GARNL3: variants seen among roughly 807,000 people sequenced by gnomAD.
The protein encoded by GARNL3 is GTPase-activating Rap/Ran-GAP domain-like protein 3.
GARNL3 carries 63 observed loss-of-function variants against 125.0 expected under a neutral mutation model. The ratio of observed to expected loss-of-function variants is 0.50; its 90% confidence interval spans 0.41 to 0.62. The LOEUF (loss-of-function observed/expected upper bound fraction) is 0.62. Ranked by LOEUF, GARNL3 falls within the 20% of genes least tolerant of loss-of-function variation. The pLI is 0.00. For synonymous variants in GARNL3, 439 were observed against 457.5 expected (o/e 0.96, Z 0.52); for missense variants, 994 against 1,244.0 (o/e 0.80, Z 3.02).
intron 13 of GARNL3, among the ~76,000 whole-genome samples, chr9:127,341,786 G>A: frequency 6.6e-6 from 1 of 152,184 alleles, no homozygotes; most frequent in East Asian, 1.9e-4. Context: ...GAAACGAAGG[G>A]CTGGGTTGAT....
intron 15 of GARNL3, among the ~76,000 whole-genome samples, chr9:127,344,652 C>G (rs1481381351): frequency 4.6e-5 from 7 of 152,190 alleles, no homozygotes; most frequent in Non-Finnish European, 1.0e-4. Context: ...TAGGAATTTT[C>G]TGAAGAGTGA....
chr9:127,339,790 A>G (rs770304173), intron 13 of GARNL3, 39 bp downstream of exon 13: 4 of 1,189,548 alleles, frequency 3.4e-6, no homozygotes, highest in African/African-American at 1.5e-5. Flanking sequence ...AACTTGTTCT[A>G]TGTCAGAATA....
At chr9:127,358,567 T>C (rs1421957127) in intron 21 of GARNL3, among the ~76,000 whole-genome samples, 1 of 152,238 alleles carries the variant, frequency 6.6e-6, no homozygotes, top group East Asian at 1.9e-4. Flanking sequence ...TTAGGAAGAC[T>C]TAAGACCTAA....
At chr9:127,295,518 C>T (rs1375933270) in intron 2 of GARNL3, among the ~76,000 whole-genome samples, 1 of 152,168 alleles carries the variant, frequency 6.6e-6, no homozygotes, top group Non-Finnish European at 1.5e-5. Context: ...CACCGACTAC[C>T]TGGAGTTAGC....
chr9:127,307,867 G>A (rs953998133), intron 2 of GARNL3, among the ~76,000 whole-genome samples: 1 of 152,094 alleles, frequency 6.6e-6, no homozygotes, highest in Admixed American at 6.6e-5. Context: ...AGCTTTGTAG[G>A]ATCCAAGGCC....
intron 2 of GARNL3, among the ~76,000 whole-genome samples, chr9:127,295,440 T>C (rs1452827870): frequency 1.3e-5 from 2 of 152,314 alleles, no homozygotes; most frequent in Non-Finnish European, 2.9e-5. Context: ...ACCTCCTTTA[T>C]AGGACTTTTT....
rs1169733796 is a variant in GARNL3, at chr9:127,332,270, T to G, written c.595-4T>G. ...ACTGTAACACCTTTTGTTATTATCCTAAGGGCTCTGTGAATTTCAAGTTTG... is the reference window on the plus strand; with the variant it reads ...ACTGTAACACCTTTTGTTATTATCCGAAGGGCTCTGTGAATTTCAAGTTTG... On this transcript the variant is annotated splice_region_variant and splice_polypyrimidine_tract_variant and intron_variant, in intron 7 of 27. Transcript: ENST00000373387. The G allele has an allele frequency of 6.2e-7, 1 of 1,610,528 alleles. No individual in the cohort carries two copies. The highest frequency in any genetic ancestry group is 8.5e-7 in the Non-Finnish European group (1 of 1,176,806).
intron 2 of GARNL3, among the ~76,000 whole-genome samples, chr9:127,250,483 T>C (rs1171562591): frequency 6.6e-6 from 1 of 152,192 alleles, no homozygotes; most frequent in African/African-American, 2.4e-5. Context: ...GCAGCCCCTC[T>C]GCTAACAGAG....
At chr9:127,300,351 T>A in intron 2 of GARNL3, 1 of 260,026 alleles carries the variant, frequency 3.8e-6, no homozygotes, top group Non-Finnish European at 7.5e-6. Context: ...TTTTCTGGTA[T>A]GGCCTTCTTT....
At chr9:127,354,117 C>T (rs1375826830) in intron 18 of GARNL3, among the ~76,000 whole-genome samples, 173 bp downstream of exon 18, 2 of 152,006 alleles carry the variant, frequency 1.3e-5, no homozygotes, top group Non-Finnish European at 2.9e-5. Flanking sequence ...GGAGGGAAGC[C>T]GTTGGGGGAA....
chr9:127,232,844 G>T (rs889040830), intron 1 of GARNL3, among the ~76,000 whole-genome samples: 14 of 152,136 alleles, frequency 9.2e-5, no homozygotes, highest in African/African-American at 3.1e-4. Context: ...CCTCATCGAG[G>T]CAAAGAAAGT....
intron 22 of GARNL3, among the ~76,000 whole-genome samples, chr9:127,368,008 C>CTTTT (rs10573639): frequency 0.025 from 2,059 of 81,236 alleles, 1 homozygote; most frequent in African/African-American, 0.033. Flanking sequence ...CATAGACTTT[C>CTTTT]TTTTTTTTTT....
intron 2 of GARNL3, among the ~76,000 whole-genome samples, chr9:127,305,312 GTTC>G (rs1490209009): frequency 2.0e-5 from 3 of 152,196 alleles, no homozygotes; most frequent in Admixed American, 6.5e-5. Context: ...TGTGTTCAGA[GTTC>G]TTCTTCAGGG....
At chr9:127,360,943 G>A (rs574916412) in intron 21 of GARNL3, among the ~76,000 whole-genome samples, 51 of 152,320 alleles carry the variant, frequency 3.3e-4, no homozygotes, top group Non-Finnish European at 4.6e-4. Flanking sequence ...ACCCACTGCC[G>A]CTGCTTTAAC....
At chr9:127,381,398 G>A (rs993004688) in intron 22 of GARNL3, among the ~76,000 whole-genome samples, 1 of 151,658 alleles carries the variant, frequency 6.6e-6, no homozygotes, top group Non-Finnish European at 1.5e-5. Context: ...AATTAGAAAT[G>A]TGATTCTAAA....
At chr9:127,245,246 T>G (rs972582856) in intron 2 of GARNL3, 4 of 152,358 alleles carry the variant, frequency 2.6e-5, no homozygotes, top group Admixed American at 2.6e-4. Context: ...GCGGGACCGC[T>G]GGAGAGCCTA....
At chr9:127,227,540 G>T (rs1304411419) in intron 1 of GARNL3, among the ~76,000 whole-genome samples, 1 of 152,024 alleles carries the variant, frequency 6.6e-6, no homozygotes, top group Non-Finnish European at 1.5e-5. Context: ...GGCAGAGGTT[G>T]CAGTGAGCTG....
At chr9:127,255,691 C>A (rs1375192885) in intron 2 of GARNL3, among the ~76,000 whole-genome samples, 8 of 152,124 alleles carry the variant, frequency 5.3e-5, no homozygotes. Context: ...GTTTGAGAAC[C>A]AAGATCTAGA....
At chr9:127,347,760 A>G (rs897390021) in intron 16 of GARNL3, among the ~76,000 whole-genome samples, 3 of 152,224 alleles carry the variant, frequency 2.0e-5, no homozygotes, top group Non-Finnish European at 2.9e-5. Context: ...CGTCATTTCA[A>G]TTAATGACCT....
Sources: gnomAD v4.1 joint callset for allele counts (sites outside exome capture counted in the v4.1 genomes callset) on GRCh38, gnomAD v4.1.1 for gene constraint, MANE v1.5 for transcripts, NCBI Gene and HGNC (gene_info 2026-07-23, HGNC 2026-07-21) for gene names.